Variants in ELMO1 observed in about 807,000 individuals in gnomAD.
ELMO1 encodes the protein engulfment and cell motility protein 1.
In ELMO1, 26 loss-of-function variants were observed where a neutral mutation model predicts 98.9. The observed-to-expected ratio is 0.26, with a 90% CI of 0.19 to 0.36. ELMO1 has a LOEUF of 0.36. Among genes scored for constraint, ELMO1 ranks in the 10% least tolerant of loss-of-function variants. The probability of loss-of-function intolerance (pLI) is 1.00; values close to 1 mark genes in which losing one functional copy is unlikely to be tolerated. For missense variants in ELMO1, 627 were observed against 935.2 expected (o/e 0.67, Z 4.30); for synonymous variants, 346 against 346.0 (o/e 1.00, Z 0.00).
chr7:37,181,900 T>C (rs924851546), intron 13 of ELMO1, among the ~76,000 whole-genome samples: 3 of 152,140 alleles, frequency 2.0e-5, no homozygotes, highest in African/African-American at 7.2e-5. Context: ...AGTTATTTTC[T>C]CAGTAGAGAA....
chr7:37,421,427 A>T (rs1308556243), intron 1 of ELMO1, among the ~76,000 whole-genome samples: 1 of 152,228 alleles, frequency 6.6e-6, no homozygotes, highest in East Asian at 1.9e-4. Context: ...TCCGAAATAC[A>T]TTCTGCTCTA....
At chr7:37,058,435 C>G (rs1388868718) in intron 15 of ELMO1, among the ~76,000 whole-genome samples, 1 of 152,146 alleles carries the variant, frequency 6.6e-6, no homozygotes, top group Admixed American at 6.6e-5. Context: ...CTCTCTTGCT[C>G]TCTTCACCTA....
chr7:37,092,191 TA>T (rs1318696013), intron 15 of ELMO1, among the ~76,000 whole-genome samples: 4 of 151,934 alleles, frequency 2.6e-5, no homozygotes. Flanking sequence ...GCCTCATGAA[TA>T]AAGCAGGTTA....
chr7:37,304,248 G>A (rs1232466273), intron 4 of ELMO1, among the ~76,000 whole-genome samples: 2 of 152,192 alleles, frequency 1.3e-5, no homozygotes, highest in African/African-American at 4.8e-5. Context: ...CAGGGCAAAA[G>A]AGGGGTGACG....
chr7:37,244,649 C>G (rs1794907360), intron 6 of ELMO1, among the ~76,000 whole-genome samples: 1 of 152,134 alleles, frequency 6.6e-6, no homozygotes, highest in African/African-American at 2.4e-5. Context: ...TAAAGGCATC[C>G]AAAACCGTCC....
intron 4 of ELMO1, among the ~76,000 whole-genome samples, chr7:37,283,094 G>A (rs535056711): frequency 2.8e-4 from 43 of 152,320 alleles, no homozygotes; most frequent in Admixed American, 2.4e-3. Context: ...AAAAGGAGCA[G>A]ACAGAGATGG....
chr7:37,098,035 T>C (rs1239578643), intron 14 of ELMO1, among the ~76,000 whole-genome samples: 4 of 152,258 alleles, frequency 2.6e-5, no homozygotes, highest in African/African-American at 9.6e-5. Flanking sequence ...TCTCAAGTTA[T>C]GGAACTTTAT....
intron 15 of ELMO1, among the ~76,000 whole-genome samples, chr7:37,085,612 C>T (rs777487609): frequency 6.6e-6 from 1 of 151,848 alleles, no homozygotes; most frequent in Non-Finnish European, 1.5e-5. Flanking sequence ...CACGATCCTA[C>T]AAGAAATGCT....
chr7:37,255,733 G>C (rs1584879280), intron 6 of ELMO1, among the ~76,000 whole-genome samples: 1 of 152,306 alleles, frequency 6.6e-6, no homozygotes, highest in East Asian at 1.9e-4. Flanking sequence ...GGTACTTGTG[G>C]CAGAACCAAC....
chr7:37,206,364 T>C (rs1369838718), intron 13 of ELMO1, among the ~76,000 whole-genome samples: 1 of 152,244 alleles, frequency 6.6e-6, no homozygotes, highest in African/African-American at 2.4e-5. Flanking sequence ...CAGAAATCGA[T>C]GTCAGCAACC....
intron 13 of ELMO1, among the ~76,000 whole-genome samples, chr7:37,166,476 G>T (rs973578291): frequency 4.6e-5 from 7 of 152,076 alleles, no homozygotes; most frequent in African/African-American, 1.4e-4. Flanking sequence ...TGGACATTTA[G>T]TGCTATAAAT....
At chr7:37,167,864 T>C (rs1789832850) in intron 13 of ELMO1, among the ~76,000 whole-genome samples, 1 of 151,646 alleles carries the variant, frequency 6.6e-6, no homozygotes, top group South Asian at 2.1e-4. Context: ...TCTCTGTATT[T>C]CCTGAATCTG....
intron 19 of ELMO1, among the ~76,000 whole-genome samples, chr7:36,873,963 G>A (rs576472486): frequency 8.5e-5 from 13 of 152,308 alleles, no homozygotes; most frequent in African/African-American, 3.1e-4. Context: ...AGCTCCTGTG[G>A]GCAGAAATAT....
At chr7:36,988,798 G>A (rs1159242233) in intron 16 of ELMO1, among the ~76,000 whole-genome samples, 1 of 152,206 alleles carries the variant, frequency 6.6e-6, no homozygotes, top group African/African-American at 2.4e-5. Context: ...CTGGGAGGAT[G>A]GTGTAAGACC....
At chr7:36,979,192 A>C (rs1790840960) in intron 16 of ELMO1, among the ~76,000 whole-genome samples, 1 of 152,168 alleles carries the variant, frequency 6.6e-6, no homozygotes, top group African/African-American at 2.4e-5. Context: ...TCCATGGCAA[A>C]AGAGCAGAAC....
chr7:37,364,699 G>C (rs1469965614), intron 1 of ELMO1, among the ~76,000 whole-genome samples: 1 of 151,716 alleles, frequency 6.6e-6, no homozygotes, highest in Non-Finnish European at 1.5e-5. Flanking sequence ...AGTTTTGCTT[G>C]AGGAAGGAGA....
At chr7:36,946,328 A>T (rs1787481619) in intron 16 of ELMO1, among the ~76,000 whole-genome samples, 1 of 152,244 alleles carries the variant, frequency 6.6e-6, no homozygotes, top group South Asian at 2.1e-4. Flanking sequence ...GGCAGCTATG[A>T]GGACTACAGT....
chr7:37,066,916 G>GC (rs1446686142), intron 15 of ELMO1, among the ~76,000 whole-genome samples: 1 of 152,098 alleles, frequency 6.6e-6, no homozygotes, highest in East Asian at 1.9e-4. Flanking sequence ...AAATCCACTT[G>GC]CATTACCCAG....
At chr7:37,206,532 T>A (rs1293561788) in intron 13 of ELMO1, among the ~76,000 whole-genome samples, 1 of 152,200 alleles carries the variant, frequency 6.6e-6, no homozygotes, top group Non-Finnish European at 1.5e-5. Flanking sequence ...TTCCCTGCCA[T>A]CTCTATTTGC....
Sources: gnomAD v4.1 joint callset for allele counts (sites outside exome capture counted in the v4.1 genomes callset) on GRCh38, gnomAD v4.1.1 for gene constraint, MANE v1.5 for transcripts, NCBI Gene and HGNC (gene_info 2026-07-23, HGNC 2026-07-21) for gene names.